APBA1: variants seen among roughly 807,000 people sequenced by gnomAD.
APBA1 encodes the protein amyloid beta precursor protein binding family A member 1.
APBA1 carries 55 observed loss-of-function variants against 86.6 expected under a neutral mutation model. The observed-to-expected ratio is 0.64, with a 90% confidence interval of 0.51 to 0.80. APBA1 has a LOEUF of 0.80. APBA1 is among the 30% of genes least tolerant of loss of function. The pLI, the probability that APBA1 is intolerant of heterozygous loss-of-function variation, is 0.00. For missense variants in APBA1, 1,090 were observed against 1,183.0 expected (o/e 0.92, Z 1.15); for synonymous variants, 511 against 493.9 (o/e 1.03, Z -0.46).
At chr9:69,434,226 G>C (rs1306287838) in intron 11 of APBA1, among the ~76,000 whole-genome samples, 1 of 152,210 alleles carries the variant, frequency 6.6e-6, no homozygotes, top group Non-Finnish European at 1.5e-5. Context: ...CCAGAGGCAA[G>C]GAGGCTCTTG....
intron 1 of APBA1, among the ~76,000 whole-genome samples, chr9:69,578,815 T>A (rs111525186): frequency 6.6e-6 from 1 of 152,174 alleles, no homozygotes; most frequent in African/African-American, 2.4e-5. Context: ...ATTTTAACAA[T>A]TGCAATTTTA....
intron 2 of APBA1, among the ~76,000 whole-genome samples, chr9:69,497,664 T>C (rs554726119): frequency 6.6e-5 from 10 of 152,262 alleles, no homozygotes; most frequent in African/African-American, 1.9e-4. Context: ...CAGTCCACCA[T>C]GGACCTGCTC....
intron 2 of APBA1, among the ~76,000 whole-genome samples, chr9:69,511,138 C>T (rs1455582700): frequency 6.6e-6 from 1 of 151,990 alleles, no homozygotes; most frequent in African/African-American, 2.4e-5. Flanking sequence ...AACAGGCAAC[C>T]TACAAAATGG....
At chr9:69,487,254 T>C (rs541639382) in intron 2 of APBA1, among the ~76,000 whole-genome samples, 164 of 152,152 alleles carry the variant, frequency 1.1e-3, no homozygotes, top group African/African-American at 3.9e-3. Context: ...AAGTGAGTTC[T>C]ATGTGGGCCA....
At chr9:69,474,595 G>A (rs1835413149) in intron 3 of APBA1, among the ~76,000 whole-genome samples, 1 of 152,180 alleles carries the variant, frequency 6.6e-6, no homozygotes, top group Admixed American at 6.5e-5. Context: ...GAAGCAAACT[G>A]TGGAACGGTG....
At chr9:69,440,804 C>T (rs376729068) in intron 11 of APBA1, among the ~76,000 whole-genome samples, 192 bp downstream of exon 11, 52 of 152,148 alleles carry the variant, frequency 3.4e-4, no homozygotes, top group African/African-American at 9.4e-4. Flanking sequence ...ACCCACTGAC[C>T]GGCACTCCCC....
chr9:69,590,707 C>T (rs906557892), intron 1 of APBA1, among the ~76,000 whole-genome samples: 9 of 152,134 alleles, frequency 5.9e-5, no homozygotes, highest in East Asian at 3.9e-4. Flanking sequence ...CTAATGCCCA[C>T]GAATTGTGTC....
At chr9:69,570,649 T>C (rs578110395) in intron 1 of APBA1, among the ~76,000 whole-genome samples, 1 of 152,204 alleles carries the variant, frequency 6.6e-6, no homozygotes, top group African/African-American at 2.4e-5. Flanking sequence ...AAGGAACTTT[T>C]GGAGACACTT....
chr9:69,666,897 G>A (rs1173156253), intron 1 of APBA1, among the ~76,000 whole-genome samples: 1 of 152,126 alleles, frequency 6.6e-6, no homozygotes, highest in African/African-American at 2.4e-5. Context: ...AGATACTGTT[G>A]CTAGCTTACT....
intron 1 of APBA1, among the ~76,000 whole-genome samples, chr9:69,606,220 C>T (rs540077003): frequency 9.2e-5 from 14 of 152,190 alleles, no homozygotes; most frequent in African/African-American, 2.9e-4. Flanking sequence ...CTTTTGATAA[C>T]GAAACCCAAC....
chr9:69,603,966 G>A (rs922354025), intron 1 of APBA1, among the ~76,000 whole-genome samples: 1 of 152,180 alleles, frequency 6.6e-6, no homozygotes, highest in Non-Finnish European at 1.5e-5. Context: ...AGTAGAAAAT[G>A]CTAACTATTA....
chr9:69,606,524 C>T (rs549000062), intron 1 of APBA1, among the ~76,000 whole-genome samples: 104 of 118,332 alleles, frequency 8.8e-4, no homozygotes, highest in African/African-American at 3.2e-3. Context: ...TGGAGTCTCG[C>T]TCTGTCGCCC....
intron 2 of APBA1, among the ~76,000 whole-genome samples, chr9:69,492,206 G>A (rs374849415): frequency 2.6e-5 from 4 of 152,202 alleles, no homozygotes; most frequent in South Asian, 2.1e-4. Context: ...GCCTGGGCAC[G>A]TCATCCATCC....
At chr9:69,614,859 T>C (rs1183857106) in intron 1 of APBA1, among the ~76,000 whole-genome samples, 1 of 152,182 alleles carries the variant, frequency 6.6e-6, no homozygotes, top group African/African-American at 2.4e-5. Context: ...TTTGAAATAT[T>C]GTTAGTTCTT....
At chr9:69,652,322 T>C (rs553170452) in intron 1 of APBA1, among the ~76,000 whole-genome samples, 2 of 152,304 alleles carry the variant, frequency 1.3e-5, no homozygotes, top group African/African-American at 4.8e-5. Flanking sequence ...TGTTGATATC[T>C]GACTCTCGCT....
chr9:69,530,260 A>AG (rs1471375951), intron 1 of APBA1, among the ~76,000 whole-genome samples: 1 of 151,202 alleles, frequency 6.6e-6, no homozygotes. Context: ...AATCAACCCA[A>AG]GTGTCTATCA....
At chr9:69,538,730 G>A (rs942680606) in intron 1 of APBA1, among the ~76,000 whole-genome samples, 4 of 152,198 alleles carry the variant, frequency 2.6e-5, no homozygotes, top group Non-Finnish European at 1.5e-5. Flanking sequence ...CCAGACTTTG[G>A]AGTCAAAAAG....
At chr9:69,528,013 C>T (rs913330654) in intron 1 of APBA1, among the ~76,000 whole-genome samples, 4 of 152,008 alleles carry the variant, frequency 2.6e-5, no homozygotes, top group Non-Finnish European at 5.9e-5. Context: ...TGCATCAAAC[C>T]AAGATTATTA....
At chr9:69,613,259 G>A (rs1256320018) in intron 1 of APBA1, among the ~76,000 whole-genome samples, 6 of 152,146 alleles carry the variant, frequency 3.9e-5, no homozygotes, top group African/African-American at 1.4e-4. Flanking sequence ...TAGTAAAATT[G>A]TAAGAGGTTT....
Sources: allele counts gnomAD v4.1 joint callset (sites outside exome capture counted in the v4.1 genomes callset), GRCh38; gene constraint gnomAD v4.1.1; transcripts MANE v1.5; gene names NCBI Gene and HGNC (gene_info 2026-07-23, HGNC 2026-07-21).